The following LMX1B variants were observed in gnomAD, a reference collection of about 807,000 sequenced individuals.
The protein encoded by LMX1B is LIM homeobox transcription factor 1 beta.
A neutral mutation model predicts 51.4 loss-of-function variants in LMX1B; 12 were observed. The ratio of observed to expected loss-of-function variants is 0.23; its 90% CI spans 0.15 to 0.38. LMX1B has a LOEUF of 0.38. Among genes scored for constraint, LMX1B ranks in the 10% least tolerant of loss-of-function variants. The pLI, the probability that LMX1B is intolerant of heterozygous loss-of-function variation, is 1.00. For synonymous variants in LMX1B, 237 were observed against 235.4 expected (o/e 1.01, Z -0.06); for missense variants, 445 against 571.1 (o/e 0.78, Z 2.25).
chr9:126,628,681 C>T (rs755196574), intron 2 of LMX1B, among the ~76,000 whole-genome samples: 1 of 152,206 alleles, frequency 6.6e-6, no homozygotes, highest in African/African-American at 2.4e-5. Flanking sequence ...TATTAACATT[C>T]TCTAAAGTCA....
rs1046426485 is a variant in LMX1B, at chr9:126,677,022, C to T, written c.327-13814C>T. 2.6e-5 allele frequency among the ~76,000 whole-genome samples: 4 copies of T among 152,170 alleles called. No homozygotes were observed. The highest frequency in any genetic ancestry group is 9.7e-5 in the African/African-American group (4 of 41,442). On this transcript the variant is annotated intron_variant, in intron 2 of 7. Coordinates refer to ENST00000373474, the MANE Select transcript of LMX1B (RefSeq NM_001174147.2). This position sits in a 1 kb window ranked among gnomAD's most constrained non-coding sequence, Gnocchi z 5.0. ...GGCCGGGCGGGCGGTGATTAAGCGG[C>T]TCAGGCAGGCAGCGGGCGGCTGGGG...
intron 2 of LMX1B, among the ~76,000 whole-genome samples, chr9:126,635,234 C>T (rs1282998426): frequency 6.6e-6 from 1 of 152,208 alleles, no homozygotes; most frequent in Non-Finnish European, 1.5e-5. Context: ...TCCCACTCCT[C>T]TTCTAGTCAG....
At chr9:126,637,172 C>T (rs541718522) in intron 2 of LMX1B, among the ~76,000 whole-genome samples, 2 of 152,328 alleles carry the variant, frequency 1.3e-5, no homozygotes, top group South Asian at 4.1e-4. Context: ...CAGTGGTGGG[C>T]GGTGGCACTG....
chr9:126,618,504 C>G lies in LMX1B; in HGVS notation c.326+2935C>G, dbSNP rs959716241. On this transcript the variant is annotated intron_variant, in intron 2 of 7. Coordinates refer to ENST00000373474, the MANE Select transcript of LMX1B (RefSeq NM_001174147.2). This position sits in a 1 kb window ranked among gnomAD's most constrained non-coding sequence, Gnocchi z 4.5. Reference sequence around the variant, plus strand: ...CTTAACTCCAAAAGTCTCCTTTTTCCCCATGTGTGAGTTTTGGGGGCTCCT... The same window carrying G: ...CTTAACTCCAAAAGTCTCCTTTTTCGCCATGTGTGAGTTTTGGGGGCTCCT... Among the ~76,000 whole-genome samples the G allele has an allele frequency of 2.6e-5, 4 of 152,062 alleles. No individual in the cohort carries two copies. The highest frequency in any genetic ancestry group is 9.7e-5 in the African/African-American group (4 of 41,386).
At chr9:126,651,409 C>T (rs1836004363) in intron 2 of LMX1B, among the ~76,000 whole-genome samples, 1 of 150,400 alleles carries the variant, frequency 6.6e-6, no homozygotes, top group Non-Finnish European at 1.5e-5. Flanking sequence ...AGGGGTGGGG[C>T]ACAGGGGGCG....
At chr9:126,660,060 G>A (rs867768272) in intron 2 of LMX1B, among the ~76,000 whole-genome samples, 3 of 143,226 alleles carry the variant, frequency 2.1e-5, no homozygotes, top group South Asian at 4.4e-4. Context: ...GTTGTCCTGC[G>A]TGGGGGTGTC....
rs1302284575 is a variant in LMX1B at position 126,697,898 on chromosome 9, G to A, written c.*1447G>A. The A allele has an allele frequency of 4.0e-5, 6 of 151,820 alleles. No individual in the cohort carries two copies. The highest frequency in any genetic ancestry group is 3.8e-4 in the East Asian group (2 of 5,306). The allele number at this position is 151,820 out of a possible 1,614,324, so 9.4% of individuals were successfully genotyped here. Reference sequence around the variant, plus strand: ...TGTTTTGTTTTGTTTTGTTTGAGACGGAGTTTCGCTCTTGTTGCCCAGGCT... The same window carrying A: ...TGTTTTGTTTTGTTTTGTTTGAGACAGAGTTTCGCTCTTGTTGCCCAGGCT... On this transcript the variant is annotated 3_prime_UTR_variant, in exon 8 of 8. Coordinates refer to ENST00000373474, the MANE Select transcript of LMX1B (RefSeq NM_001174147.2).
At chr9:126,674,396 G>A (rs927510495) in intron 2 of LMX1B, among the ~76,000 whole-genome samples, 2 of 152,080 alleles carry the variant, frequency 1.3e-5, no homozygotes, top group Non-Finnish European at 2.9e-5. Context: ...GGCTGGGGGG[G>A]CATTCAGGAA....
intron 2 of LMX1B, among the ~76,000 whole-genome samples, chr9:126,675,737 A>T (rs569678186): frequency 1.8e-4 from 26 of 141,460 alleles, no homozygotes; most frequent in African/African-American, 2.3e-4. Flanking sequence ...AAAAAAATTA[A>T]AAAAAAAAAA....
At chr9:126,687,267 C>T (rs778670234) in intron 2 of LMX1B, among the ~76,000 whole-genome samples, 3 of 151,184 alleles carry the variant, frequency 2.0e-5, no homozygotes, top group East Asian at 1.9e-4. Flanking sequence ...CTCTCTCTGT[C>T]GCCCAGGCTG....
At position 126,673,733 on chromosome 9, in the gene LMX1B, C is replaced by A. The variant is rs1836503310; in HGVS notation, c.327-17103C>A. On this transcript the variant is annotated intron_variant, in intron 2 of 7. Transcript: ENST00000373474. This position sits in a 1 kb window ranked among gnomAD's most constrained non-coding sequence, Gnocchi z 4.4. ...TCCCTGACTCCTGGAGACTCCCAGC[C>A]CCTGTCTGGGAGATGAGCATTTAGG... 6.6e-6 allele frequency among the ~76,000 whole-genome samples: 1 copy of A among 152,122 alleles called. No individual in the cohort carries two copies. Among genetic ancestry groups the A allele is most frequent in the African/African-American group, 2.4e-5 (1 of 41,412 alleles).
intron 2 of LMX1B, among the ~76,000 whole-genome samples, chr9:126,667,696 G>C (rs1420815422): frequency 6.6e-6 from 1 of 152,222 alleles, no homozygotes; most frequent in Non-Finnish European, 1.5e-5. Context: ...TGGCATTTAA[G>C]AGCAGGTGGA....
Position 126,696,491 on chromosome 9 carries a change from G to A in LMX1B, c.*40G>A, listed in dbSNP as rs374778848. ...CACGGACGCTTGGGCAGGGGCCTGG[G>A]GGGGACTGCCAGCCTCTGCGGCCAG... On this transcript the variant is annotated 3_prime_UTR_variant, in exon 8 of 8. Coordinates refer to ENST00000373474, the MANE Select transcript of LMX1B (RefSeq NM_001174147.2). 3.1e-5 allele frequency: 50 copies of A among 1,610,830 alleles called. No homozygotes were observed. The highest frequency in any genetic ancestry group is 3.9e-5 in the Non-Finnish European group (46 of 1,177,812).
chr9:126,660,331 G>A (rs1426266217), intron 2 of LMX1B, among the ~76,000 whole-genome samples: 1 of 151,718 alleles, frequency 6.6e-6, no homozygotes, highest in Non-Finnish European at 1.5e-5. Flanking sequence ...GTGTGTCTAC[G>A]CTGGCCTTAT....
In LMX1B at chr9:126,671,816, A is replaced by G. The variant is rs1836465639; in HGVS notation, c.327-19020A>G. Reference sequence around the variant, plus strand: ...CCAGGCCAGGGCAGCGGCCCCCCACAGCCCAGGCCCCCAGCGGCCCAGAGG... The same window carrying G: ...CCAGGCCAGGGCAGCGGCCCCCCACGGCCCAGGCCCCCAGCGGCCCAGAGG... On this transcript the variant is annotated intron_variant, in intron 2 of 7. Transcript: ENST00000373474. This position sits in a 1 kb window ranked among gnomAD's most constrained non-coding sequence, Gnocchi z 4.4. 6.6e-6 allele frequency among the ~76,000 whole-genome samples: 1 copy of G among 152,132 alleles called. No homozygotes were observed. The highest frequency in any genetic ancestry group is 2.1e-4 in the South Asian group (1 of 4,824).
At chr9:126,670,415 A>G (rs562452236) in intron 2 of LMX1B, among the ~76,000 whole-genome samples, 1 of 152,222 alleles carries the variant, frequency 6.6e-6, no homozygotes, top group Non-Finnish European at 1.5e-5. Flanking sequence ...ATGAGCATGC[A>G]TGTGAGTGTA....
At position 126,696,578 on chromosome 9, in the gene LMX1B, C is replaced by T. The variant is rs113846301; in HGVS notation, c.*127C>T. Reference sequence around the variant, plus strand: ...AGACAGCCATACGGTGCCCTCCCCTCGGCCAGCTGGGCCTGACCACTGTGC... The same window carrying T: ...AGACAGCCATACGGTGCCCTCCCCTTGGCCAGCTGGGCCTGACCACTGTGC... On this transcript the variant is annotated 3_prime_UTR_variant, in exon 8 of 8. Coordinates refer to ENST00000373474, the MANE Select transcript of LMX1B (RefSeq NM_001174147.2). 5.4e-3 allele frequency: 6,146 copies of T among 1,143,208 alleles called. 78 individuals are homozygous for T. The highest frequency in any genetic ancestry group is 0.044 in the African/African-American group (2,877 of 65,196). The allele number at this position is 1,143,208 out of a possible 1,614,324, so 70.8% of individuals were successfully genotyped here.
intron 2 of LMX1B, among the ~76,000 whole-genome samples, chr9:126,627,623 C>T (rs916362963): frequency 1.3e-5 from 2 of 152,144 alleles, no homozygotes; most frequent in Non-Finnish European, 2.9e-5. Context: ...CTCAGCAGTC[C>T]CAGGCCTCCC....
At chr9:126,678,330 A>C (rs1172405318) in intron 2 of LMX1B, among the ~76,000 whole-genome samples, 3 of 114,188 alleles carry the variant, frequency 2.6e-5, no homozygotes, top group African/African-American at 1.4e-4. Flanking sequence ...AACAAAAAAC[A>C]AAAAAAAAAA....
Sources: gnomAD v4.1 joint callset for allele counts (sites outside exome capture counted in the v4.1 genomes callset) on GRCh38, gnomAD v4.1.1 for gene constraint, Gnocchi (gnomAD v3.1) non-coding constraint, MANE v1.5 for transcripts, NCBI Gene and HGNC (gene_info 2026-07-23, HGNC 2026-07-21) for gene names.